ATRX: variants seen among roughly 807,000 people sequenced by gnomAD.
The protein encoded by ATRX is chromatin remodeler ATRX.
A neutral mutation model predicts 172.6 loss-of-function variants in ATRX; 12 were observed. The ratio of observed to expected loss-of-function variants is 0.07; its 90% CI spans 0.04 to 0.11. The LOEUF (loss-of-function observed/expected upper bound fraction) is 0.11. Among genes scored for constraint, ATRX ranks in the 10% least tolerant of loss-of-function variants. The pLI is 1.00. For synonymous variants in ATRX, 674 were observed against 594.7 expected (o/e 1.13, Z -1.94); for missense variants, 1,368 against 1,767.4 (o/e 0.77, Z 4.05).
At chrX:77,554,186 C>A (rs782315888) in intron 30 of ATRX, among the ~76,000 whole-genome samples, 2 of 110,699 alleles carry the variant, frequency 1.8e-5, no homozygotes, top group Non-Finnish European at 3.8e-5. Context: ...ATGTCTATAA[C>A]CTCAGCTACT....
chrX:77,693,697 T>C (rs2072031962), intron 6 of ATRX, 127 bp downstream of exon 6: 1 of 530,767 alleles, frequency 1.9e-6, no homozygotes, highest in Non-Finnish European at 3.2e-6. Flanking sequence ...ACAGAAGTTA[T>C]ATTTAAGTAG....
chrX:77,727,874 C>T (rs781860948), intron 1 of ATRX: 1 of 111,645 alleles, frequency 9.0e-6, no homozygotes, highest in South Asian at 3.7e-4. Flanking sequence ...CAACAGTTTT[C>T]TTATAAACCA....
intron 2 of ATRX, among the ~76,000 whole-genome samples, chrX:77,714,466 T>C (rs1352086290): frequency 2.7e-5 from 3 of 111,893 alleles, no homozygotes; most frequent in Non-Finnish European, 5.6e-5. Flanking sequence ...CTTAGTAATC[T>C]CAAAGTGCCC....
intron 1 of ATRX, among the ~76,000 whole-genome samples, chrX:77,772,182 C>T (rs919345749): frequency 2.8e-5 from 3 of 108,699 alleles, no homozygotes; most frequent in Non-Finnish European, 5.7e-5. Context: ...CCTGTAGTCC[C>T]GGCTACTCAG....
intron 1 of ATRX, among the ~76,000 whole-genome samples, chrX:77,779,716 T>C (rs782266375): frequency 7.1e-5 from 8 of 112,430 alleles, no homozygotes; most frequent in Non-Finnish European, 1.5e-4. Context: ...TGGCCCCAAA[T>C]TGATACTTAA....
intron 30 of ATRX, among the ~76,000 whole-genome samples, chrX:77,549,985 GAAATA>G (rs782243587): frequency 3.6e-5 from 4 of 110,224 alleles, no homozygotes; most frequent in East Asian, 2.8e-4. Context: ...GAAATGAAAT[GAAATA>G]AAATAAAATA....
chrX:77,641,000 C>T (rs965487014), intron 15 of ATRX, among the ~76,000 whole-genome samples: 1 of 111,225 alleles, frequency 9.0e-6, no homozygotes, highest in Non-Finnish European at 1.9e-5. Context: ...ACAGTAGCCT[C>T]TTCGTTTATA....
chrX:77,708,431 T>G (rs2148717547), intron 2 of ATRX, among the ~76,000 whole-genome samples: 1 of 111,948 alleles, frequency 8.9e-6, no homozygotes, highest in South Asian at 3.7e-4. Context: ...GAACCTGAGG[T>G]GGGCAGATGA....
At chrX:77,521,239 T>C in intron 33 of ATRX, 164 bp downstream of exon 33, 2 of 472,677 alleles carry the variant, frequency 4.2e-6, no homozygotes, top group East Asian at 7.4e-5. Context: ...AACATCTATG[T>C]AAAATTGCTG....
Position 77,673,656 on chromosome X carries a change from A to G in ATRX, c.3809+2570T>C, listed in dbSNP as rs45507292. On this transcript the variant is annotated intron_variant, in intron 10 of 34. Coordinates refer to ENST00000373344, the MANE Select transcript of ATRX (RefSeq NM_000489.6). ...GCTACATAATAGCATGCTAAAACAG[A>G]AATGTATTCACATTTACTAAAATAT... Among the ~76,000 whole-genome samples the G allele has an allele frequency of 1.0e-2, 1,106 of 111,036 alleles. 16 individuals carry two copies. Among genetic ancestry groups the G allele is most frequent in the African/African-American group, 0.034 (1,034 of 30,695 alleles).
At chrX:77,703,507 G>T (rs782069120) in intron 2 of ATRX, among the ~76,000 whole-genome samples, 3 of 112,496 alleles carry the variant, frequency 2.7e-5, no homozygotes, top group Non-Finnish European at 3.8e-5. Flanking sequence ...GAACACGGTG[G>T]CACCCAGAAG....
intron 1 of ATRX, among the ~76,000 whole-genome samples, chrX:77,766,346 G>A (rs1211158529): frequency 2.7e-5 from 3 of 111,384 alleles, no homozygotes; most frequent in African/African-American, 9.8e-5. Context: ...CTCCTGGACG[G>A]GGTGGCTGCC....
intron 13 of ATRX, among the ~76,000 whole-genome samples, chrX:77,655,900 CTG>C (rs2069522404): frequency 1.8e-5 from 2 of 110,840 alleles, no homozygotes; most frequent in Non-Finnish European, 3.8e-5. Flanking sequence ...ATTTGATAAA[CTG>C]TAGAAAGATT....
chrX:77,752,184 G>A (rs2075327113), intron 1 of ATRX, among the ~76,000 whole-genome samples: 1 of 111,734 alleles, frequency 8.9e-6, no homozygotes, highest in Non-Finnish European at 1.9e-5. Flanking sequence ...TCTCCTTGAA[G>A]AGGCCCTTCA....
intron 28 of ATRX, among the ~76,000 whole-genome samples, chrX:77,559,243 G>A (rs2064917488): frequency 9.2e-6 from 1 of 109,281 alleles, no homozygotes; most frequent in South Asian, 3.9e-4. Context: ...AGGTGAATAT[G>A]TAGGGGTGAC....
At chrX:77,710,907 G>C (rs972055674) in intron 2 of ATRX, among the ~76,000 whole-genome samples, 3 of 99,060 alleles carry the variant, frequency 3.0e-5, no homozygotes, top group African/African-American at 1.1e-4. Context: ...AATCAACCCA[G>C]GTAAAAAAAA....
intron 1 of ATRX, among the ~76,000 whole-genome samples, chrX:77,747,216 G>C (rs1193310117): frequency 1.8e-5 from 2 of 111,648 alleles, no homozygotes; most frequent in African/African-American, 6.5e-5. Flanking sequence ...TTCTGGAACT[G>C]ACATAAAGGA....
intron 9 of ATRX, among the ~76,000 whole-genome samples, chrX:77,676,995 G>T (rs1603202839): frequency 9.1e-6 from 1 of 110,428 alleles, no homozygotes. Flanking sequence ...GGTGGTGTGT[G>T]CCTGTAATCC....
At chrX:77,641,453 C>T (rs781790737) in intron 15 of ATRX, among the ~76,000 whole-genome samples, 4 of 109,442 alleles carry the variant, frequency 3.7e-5, no homozygotes, top group South Asian at 3.9e-4. Context: ...TGGTGGCACA[C>T]GCCTGTAGTC....
Sources: allele counts gnomAD v4.1 joint callset (sites outside exome capture counted in the v4.1 genomes callset), GRCh38; gene constraint gnomAD v4.1.1; transcripts MANE v1.5; gene names NCBI Gene and HGNC (gene_info 2026-07-23, HGNC 2026-07-21).